The following SNX31 variants were observed in gnomAD, a reference collection of about 807,000 sequenced individuals.
The protein encoded by SNX31 is sorting nexin-31.
Under a neutral mutation model 65.4 loss-of-function variants are expected in SNX31, and 58 were observed. That is an observed-to-expected ratio of 0.89 (90% CI 0.72 to 1.10). The LOEUF (loss-of-function observed/expected upper bound fraction) is 1.10, where lower values mean the gene tolerates loss of function less well. Among genes scored for constraint, SNX31 ranks in the 50% least tolerant of loss-of-function variants. The pLI is 0.00. For missense variants in SNX31, 523 were observed against 529.7 expected (o/e 0.99, Z 0.12); for synonymous variants, 181 against 190.1 (o/e 0.95, Z 0.39).
intron 1 of SNX31, among the ~76,000 whole-genome samples, chr8:100,662,359 A>C (rs1288475166): frequency 2.0e-5 from 3 of 152,178 alleles, no homozygotes; most frequent in African/African-American, 7.2e-5. Flanking sequence ...GAGTAGGGAG[A>C]GATGGCACTT....
At chr8:100,644,644 T>G (rs1220312700) in intron 2 of SNX31, among the ~76,000 whole-genome samples, 6 of 152,166 alleles carry the variant, frequency 3.9e-5, no homozygotes, top group Admixed American at 3.3e-4. Context: ...ATCCACCTCT[T>G]CCCAAGGTCC....
chr8:100,612,953 C>T lies in SNX31; in HGVS notation c.523+42G>A. 4 of 1,564,722 alleles carry T rather than the reference C, an allele frequency of 2.6e-6. No homozygotes were observed. The highest frequency in any genetic ancestry group is 3.5e-6 in the Non-Finnish European group (4 of 1,135,166). ...CTATGAGCCCCTGCTCACACCTGTC[C>T]ACCCCATCTCCTAGCTGATTCATTT... On this transcript the variant is annotated intron_variant, in intron 6 of 13. Coordinates refer to ENST00000311812, the MANE Select transcript of SNX31 (RefSeq NM_152628.4). This position sits in a 1 kb window ranked among gnomAD's most constrained non-coding sequence, Gnocchi z 4.3.
chr8:100,579,628 T>A (rs1429559177), intron 12 of SNX31, among the ~76,000 whole-genome samples: 3 of 152,174 alleles, frequency 2.0e-5, no homozygotes, highest in Non-Finnish European at 4.4e-5. Flanking sequence ...TAGAAACATG[T>A]TTAAAATTGC....
intron 3 of SNX31, among the ~76,000 whole-genome samples, chr8:100,633,323 T>C (rs970570250): frequency 2.6e-5 from 4 of 152,228 alleles, no homozygotes; most frequent in African/African-American, 9.6e-5. Flanking sequence ...TGTATCAATG[T>C]TGTTTCCTGA....
At chr8:100,649,399 A>C (rs1563589883) in intron 1 of SNX31, 50 bp downstream of exon 1, 1 of 1,608,348 alleles carries the variant, frequency 6.2e-7, no homozygotes, top group East Asian at 2.2e-5. Context: ...ATAAGTGAGC[A>C]TTGCCACCGG....
chr8:100,640,070 A>C (rs1337068711), intron 2 of SNX31, among the ~76,000 whole-genome samples: 1 of 152,190 alleles, frequency 6.6e-6, no homozygotes, highest in African/African-American at 2.4e-5. Context: ...GTTTTAAATA[A>C]ATAGGAGCGA....
upstream of SNX31, among the ~76,000 whole-genome samples, chr8:100,653,687 C>T (rs138507186): frequency 8.5e-5 from 13 of 152,290 alleles, no homozygotes; most frequent in South Asian, 2.1e-4. Flanking sequence ...TTTCTGTGGT[C>T]GTAAGCCACC....
chr8:100,617,770 T>A, intron 4 of SNX31, 40 bp from the exon 5 acceptor site: 3 of 1,292,524 alleles, frequency 2.3e-6, no homozygotes, highest in Non-Finnish European at 3.2e-6. Context: ...TCCACACCTT[T>A]TTTTTTTTTT....
chr8:100,611,971 C>T (rs759796575), intron 7 of SNX31, 29 bp downstream of exon 7: 180 of 1,570,736 alleles, frequency 1.1e-4, no homozygotes, highest in Non-Finnish European at 1.4e-4. Context: ...TGTCGTCAAA[C>T]GCCTCTGTCA....
At chr8:100,600,879 C>T (rs750410520) in intron 8 of SNX31, among the ~76,000 whole-genome samples, 3 of 151,846 alleles carry the variant, frequency 2.0e-5, no homozygotes, top group Non-Finnish European at 4.4e-5. Context: ...CCAACAACAA[C>T]AAAACTAAGA....
chr8:100,650,614 G>C (rs545311260), upstream of SNX31, among the ~76,000 whole-genome samples: 4 of 152,322 alleles, frequency 2.6e-5, no homozygotes, highest in African/African-American at 9.6e-5. Context: ...CCTCCTGCGT[G>C]CTTGCTGGGT....
Position 100,588,991 on chromosome 8 carries a change from A to T in SNX31, c.979-12T>A. 1 of 1,591,742 alleles carries T rather than the reference A, an allele frequency of 6.3e-7. No individual in the cohort carries two copies. Among genetic ancestry groups the T allele is most frequent in the Non-Finnish European group, 8.6e-7 (1 of 1,161,276 alleles). ...TCCAGCAGAGTTCCCTACAAAGGAA[A>T]ATATTTTATATTCAATGTAAATTTA... On this transcript the variant is annotated splice_polypyrimidine_tract_variant and intron_variant, in intron 10 of 13. Coordinates refer to ENST00000311812, the MANE Select transcript of SNX31 (RefSeq NM_152628.4). This position sits in a 1 kb window ranked among gnomAD's most constrained non-coding sequence, Gnocchi z 4.8.
intron 12 of SNX31, among the ~76,000 whole-genome samples, chr8:100,582,897 G>C (rs568965509): frequency 9.0e-4 from 136 of 151,192 alleles, no homozygotes; most frequent in South Asian, 1.9e-3. Context: ...GCAAGAGAAT[G>C]GTGTGAACCC....
At chr8:100,585,008 G>A (rs1180287845) in intron 11 of SNX31, among the ~76,000 whole-genome samples, 1 of 152,086 alleles carries the variant, frequency 6.6e-6, no homozygotes, top group Non-Finnish European at 1.5e-5. Context: ...ACAGGTGTGA[G>A]CCACCGTGCC....
intron 2 of SNX31, among the ~76,000 whole-genome samples, chr8:100,644,623 C>T (rs189034465): frequency 6.6e-6 from 1 of 152,272 alleles, no homozygotes; most frequent in East Asian, 1.9e-4. Flanking sequence ...CAGCAGAGCC[C>T]ATGGAAACAC....
upstream of SNX31, among the ~76,000 whole-genome samples, chr8:100,663,582 G>A (rs1469773014): frequency 1.3e-5 from 2 of 152,176 alleles, no homozygotes; most frequent in Non-Finnish European, 2.9e-5. Context: ...CTATAAAGAA[G>A]ATTTTGTTTC....
At chr8:100,605,295 G>A (rs917733844) in intron 8 of SNX31, among the ~76,000 whole-genome samples, 1 of 152,154 alleles carries the variant, frequency 6.6e-6, no homozygotes, top group Admixed American at 6.5e-5. Context: ...GGAGAAGTGG[G>A]AGGAAGGTAG....
chr8:100,642,645 A>G (rs776812555), intron 2 of SNX31, among the ~76,000 whole-genome samples: 7 of 152,188 alleles, frequency 4.6e-5, no homozygotes, highest in Non-Finnish European at 4.4e-5. Flanking sequence ...AAAGTCAACA[A>G]TCAAATCCAA....
intron 8 of SNX31, among the ~76,000 whole-genome samples, chr8:100,606,654 C>T (rs1816190238): frequency 6.6e-6 from 1 of 152,160 alleles, no homozygotes; most frequent in Non-Finnish European, 1.5e-5. Context: ...ATAACTTATC[C>T]ACCATCTCTC....
Sources: allele counts gnomAD v4.1 joint callset (sites outside exome capture counted in the v4.1 genomes callset), GRCh38; gene constraint gnomAD v4.1.1; non-coding constraint Gnocchi (gnomAD v3.1); transcripts MANE v1.5; gene names NCBI Gene and HGNC (gene_info 2026-07-23, HGNC 2026-07-21).